The following LAMA2 variants were observed in gnomAD, a reference collection of about 807,000 sequenced individuals.
LAMA2 encodes the protein laminin subunit alpha 2, also known as laminin subunit alpha-2.
LAMA2 carries 269 observed loss-of-function variants against 364.8 expected under a neutral mutation model. The observed-to-expected ratio is 0.74, with a 90% confidence interval of 0.67 to 0.82. The LOEUF is 0.82. Among genes scored for constraint, LAMA2 ranks in the 40% least tolerant of loss-of-function variants. LAMA2 has a pLI of 0.00. For synonymous variants in LAMA2, 1,379 were observed against 1,370.6 expected (o/e 1.01, Z -0.14); for missense variants, 3,807 against 3,873.2 (o/e 0.98, Z 0.45).
chr6:129,421,785 T>A (rs1413830118), intron 40 of LAMA2, among the ~76,000 whole-genome samples: 1 of 152,162 alleles, frequency 6.6e-6, no homozygotes, highest in Non-Finnish European at 1.5e-5. Context: ...TCTTGAAACA[T>A]TGAGGCATGT....
chr6:129,256,774 A>ATATATATT (rs1304519381), intron 14 of LAMA2, among the ~76,000 whole-genome samples: 7 of 116,036 alleles, frequency 6.0e-5, no homozygotes, highest in Middle Eastern at 3.7e-3. Context: ...ATATATATAT[A>ATATATATT]TATATATATA....
rs1778788475 is a variant in LAMA2, at chr6:129,383,109, T to G, written c.4960-13T>G. On this transcript the variant is annotated splice_polypyrimidine_tract_variant and intron_variant, in intron 34 of 64. Transcript: ENST00000421865. ...CTCTATTAATTATGTGTTTCCCGAATTTGGATCATTAGGCTACCAAAGTGA... is the reference window on the plus strand; with the variant it reads ...CTCTATTAATTATGTGTTTCCCGAAGTTGGATCATTAGGCTACCAAAGTGA... 6.2e-7 allele frequency: 1 copy of G among 1,608,240 alleles called. No individual in the cohort carries two copies. Among genetic ancestry groups the G allele is most frequent in the Non-Finnish European group, 8.5e-7 (1 of 1,175,206 alleles).
rs35108091 is a variant in LAMA2, at chr6:128,883,530, G to A, written c.112+173G>A. On this transcript the variant is annotated intron_variant, in intron 1 of 64. Coordinates refer to ENST00000421865, the MANE Select transcript of LAMA2 (RefSeq NM_000426.4). ...AGTTCAAGTTCAATGCCATGAGAGC[G>A]TAGTGTAGGGGGAATTACCTAAGTC... Among the ~76,000 whole-genome samples the A allele has an allele frequency of 0.095, 14,485 of 152,180 alleles. 727 individuals are homozygous for A. The highest frequency in any genetic ancestry group is 0.12 in the African/African-American group (4,840 of 41,520).
At chr6:129,221,774 G>A (rs934401821) in intron 12 of LAMA2, among the ~76,000 whole-genome samples, 1 of 151,974 alleles carries the variant, frequency 6.6e-6, no homozygotes, top group Non-Finnish European at 1.5e-5. Context: ...TGTGCACCCA[G>A]ATAAACACAT....
In LAMA2 at chr6:129,021,762, C is replaced by T. The variant is rs1254526383; in HGVS notation, c.113-28156C>T. Among the ~76,000 whole-genome samples, 7 of 152,238 alleles carry T rather than the reference C, an allele frequency of 4.6e-5. No individual in the cohort carries two copies. The East Asian group carries it at 1.4e-3, about 29-fold the overall frequency. On this transcript the variant is annotated intron_variant, in intron 1 of 64. Transcript: ENST00000421865. ...GTAAGGAAACAGAGTAGTAAATAGC[C>T]AAAGGGAAGAAAGTCAGAAAAGCTT... is the stretch of plus-strand genomic sequence containing the variant.
chr6:129,305,603 G>T (rs1183368988), intron 22 of LAMA2, among the ~76,000 whole-genome samples: 1 of 152,122 alleles, frequency 6.6e-6, no homozygotes. Context: ...ATACCACCAT[G>T]CCTAGCTTAA....
intron 32 of LAMA2, among the ~76,000 whole-genome samples, chr6:129,365,681 T>TG (rs1247983703): frequency 6.6e-6 from 1 of 151,906 alleles, no homozygotes; most frequent in Non-Finnish European, 1.5e-5. Flanking sequence ...ACTTTTTTTT[T>TG]TTTTAATTAT....
rs766496312 is a variant in LAMA2 at position 129,442,211 on chromosome 6, A to C, written c.6269-852A>C. Reference sequence around the variant, plus strand: ...GTGGGGAATGGAGCCTGATTTCAGCATCCTAGCCTCAAATCAAATCCTATG... The same window carrying C: ...GTGGGGAATGGAGCCTGATTTCAGCCTCCTAGCCTCAAATCAAATCCTATG... On this transcript the variant is annotated intron_variant, in intron 43 of 64. Transcript: ENST00000421865. 23 of 1,320,562 alleles carry C rather than the reference A, an allele frequency of 1.7e-5. No homozygotes were observed. The South Asian group carries it at 2.8e-4, about 16-fold the overall frequency. The allele number at this position is 1,320,562 out of a possible 1,614,324, so 81.8% of individuals were successfully genotyped here.
At chr6:129,515,023 C>A (rs1286232154) in intron 64 of LAMA2, among the ~76,000 whole-genome samples, 1 of 152,096 alleles carries the variant, frequency 6.6e-6, no homozygotes, top group Non-Finnish European at 1.5e-5. Flanking sequence ...CTAATTTCCC[C>A]CTTATGTTAT....
rs769846990 is a variant in LAMA2 at position 129,402,486 on chromosome 6, G to C, written c.5725G>C (p.Gly1909Arg). The C allele has an allele frequency of 5.0e-6, 8 of 1,614,014 alleles. No individual in the cohort carries two copies. Among genetic ancestry groups the C allele is most frequent in the Non-Finnish European group, 6.8e-6 (8 of 1,179,944 alleles). ...GAATGACTCATCTGCTGTCCTTGATGGGTATGTCATTTGTTTTTGGAAATG... is the reference window on the plus strand; with the variant it reads ...GAATGACTCATCTGCTGTCCTTGATCGGTATGTCATTTGTTTTTGGAAATG... ...QLNDSSAVLD[G>R]ILDEAKNISF... Residue 1909 changes from glycine (G) to arginine (R), a missense_variant and splice_region_variant, in exon 39 of 65, where the codon GGA becomes CGA. Transcript: ENST00000421865.
At chr6:129,192,160 G>T (rs903936305) in intron 11 of LAMA2, among the ~76,000 whole-genome samples, 2 of 152,200 alleles carry the variant, frequency 1.3e-5, no homozygotes, top group Admixed American at 1.3e-4. Context: ...AGTGGGAGGG[G>T]TGGAAATACT....
At chr6:129,014,710 C>T (rs1784970313) in intron 1 of LAMA2, among the ~76,000 whole-genome samples, 1 of 151,906 alleles carries the variant, frequency 6.6e-6, no homozygotes, top group Non-Finnish European at 1.5e-5. Context: ...AGTTTAAATG[C>T]CTTTATATCA....
chr6:129,025,213 C>A (rs1390361968), intron 1 of LAMA2, among the ~76,000 whole-genome samples: 2 of 152,090 alleles, frequency 1.3e-5, no homozygotes, highest in African/African-American at 4.8e-5. Context: ...TCTGTACTTC[C>A]ACTTTTTTAC....
intron 40 of LAMA2, among the ~76,000 whole-genome samples, chr6:129,406,404 T>C (rs545890232): frequency 6.6e-6 from 1 of 152,336 alleles, no homozygotes; most frequent in African/African-American, 2.4e-5. Flanking sequence ...TTAGACATCA[T>C]GAAATAACAA....
intron 29 of LAMA2, among the ~76,000 whole-genome samples, chr6:129,330,592 G>GTTTTTTTTTTTTTTTTT (rs1406358715): frequency 1.3e-5 from 1 of 78,532 alleles, no homozygotes; most frequent in African/African-American, 5.1e-5. Flanking sequence ...TTGTTGTTTG[G>GTTTTTTTTTTTTTTTTT]TTTTTGTTTT....
At chr6:129,110,211 T>C (rs1776067769) in intron 4 of LAMA2, among the ~76,000 whole-genome samples, 1 of 152,094 alleles carries the variant, frequency 6.6e-6, no homozygotes, top group South Asian at 2.1e-4. Flanking sequence ...GTCCCAATTC[T>C]GAAGTGTATT....
intron 1 of LAMA2, among the ~76,000 whole-genome samples, chr6:128,965,624 T>C (rs1316251865): frequency 2.6e-5 from 4 of 152,094 alleles, no homozygotes; most frequent in African/African-American, 7.2e-5. Flanking sequence ...TGTAATTCAA[T>C]GTATGTAAGT....
intron 10 of LAMA2, among the ~76,000 whole-genome samples, chr6:129,180,439 A>G (rs978991653): frequency 6.6e-6 from 1 of 152,164 alleles, no homozygotes; most frequent in African/African-American, 2.4e-5. Flanking sequence ...TTATTCTCTT[A>G]TACTATAACA....
At chr6:128,893,269 T>A (rs1484464042) in intron 1 of LAMA2, among the ~76,000 whole-genome samples, 2 of 151,948 alleles carry the variant, frequency 1.3e-5, no homozygotes, top group Non-Finnish European at 2.9e-5. Context: ...ATACCATTAT[T>A]AATACTATTT....
Sources: gnomAD v4.1 joint callset for allele counts (sites outside exome capture counted in the v4.1 genomes callset) on GRCh38, gnomAD v4.1.1 for gene constraint, MANE v1.5 for transcripts, NCBI Gene and HGNC (gene_info 2026-07-23, HGNC 2026-07-21) for gene names.